Variants in TNN observed in about 807,000 individuals in gnomAD.
TNN encodes the protein tenascin N, also known as tenascin-N.
In TNN, 122 loss-of-function variants were observed where a neutral mutation model predicts 134.4. The ratio of observed to expected loss-of-function variants is 0.91; its 90% confidence interval spans 0.78 to 1.06. The LOEUF is 1.06. Among genes scored for constraint, TNN ranks in the 50% least tolerant of loss-of-function variants. TNN has a pLI of 0.00. For missense variants in TNN, 1,739 were observed against 1,699.4 expected (o/e 1.02, Z -0.41); for synonymous variants, 710 against 670.3 (o/e 1.06, Z -0.91).
chr1:175,073,328 T>C (rs1325456468), intron 1 of TNN, among the ~76,000 whole-genome samples: 2 of 152,172 alleles, frequency 1.3e-5, no homozygotes, highest in African/African-American at 4.8e-5. Context: ...TTTATCTTTG[T>C]GATGAACGTC....
chr1:175,085,386 G>A lies in TNN; in HGVS notation c.1235-19G>A, dbSNP rs758781927. The A allele has an allele frequency of 4.5e-5, 69 of 1,550,322 alleles. No individual in the cohort carries two copies. The highest frequency in any genetic ancestry group is 5.7e-5 in the Non-Finnish European group (64 of 1,123,848). Reference sequence around the variant, plus strand: ...TCTGGAGCCTGCACTCACATCCTGCGCTGCCTGCTTGTTTCCAGGTCTGCA... The same window carrying A: ...TCTGGAGCCTGCACTCACATCCTGCACTGCCTGCTTGTTTCCAGGTCTGCA... On this transcript the variant is annotated intron_variant, in intron 5 of 18. Transcript: ENST00000239462.
intron 9 of TNN, among the ~76,000 whole-genome samples, chr1:175,116,081 T>C (rs1675158538): frequency 6.6e-6 from 1 of 152,216 alleles, no homozygotes; most frequent in Admixed American, 6.5e-5. Flanking sequence ...ATTCTTTTAG[T>C]TGTTTTTGTG....
chr1:175,125,915 C>T lies in TNN; in HGVS notation c.2915-1040C>T, dbSNP rs185501591. Among the ~76,000 whole-genome samples, 154 of 145,624 alleles carry T rather than the reference C, an allele frequency of 1.1e-3. 1 individual carries two copies. Among genetic ancestry groups the T allele is most frequent in the African/African-American group, 3.8e-3 (149 of 39,354 alleles). On this transcript the variant is annotated intron_variant, in intron 12 of 18. Transcript: ENST00000239462. ...TTTCTTTCTCTCTCCCGCTCTCTCT[C>T]TCTTCTCTTTCTTTCTTTCTCTCGC...
At chr1:175,076,094 A>G (rs943341811) in intron 1 of TNN, among the ~76,000 whole-genome samples, 6 of 152,140 alleles carry the variant, frequency 3.9e-5, no homozygotes, top group African/African-American at 9.7e-5. Context: ...GTGAGGTGAA[A>G]GCTGGGTCTC....
chr1:175,126,853 A>T, intron 12 of TNN, 102 bp from the exon 13 acceptor site: 1 of 1,311,944 alleles, frequency 7.6e-7, no homozygotes, highest in Admixed American at 2.5e-5. Context: ...AGGAGGAGAA[A>T]TGGGAGGGTT....
intron 11 of TNN, 125 bp from the exon 12 acceptor site, chr1:175,123,275 G>T: frequency 8.6e-7 from 1 of 1,163,004 alleles, no homozygotes; most frequent in South Asian, 1.5e-5. Flanking sequence ...CCTTTGACTC[G>T]TGTTTTAAGT....
At chr1:175,083,337 G>T (rs1027442442) in intron 4 of TNN, among the ~76,000 whole-genome samples, 1 of 152,230 alleles carries the variant, frequency 6.6e-6, no homozygotes, top group Non-Finnish European at 1.5e-5. Flanking sequence ...TGCCTGAGCT[G>T]CTTATCCTGA....
Position 175,077,688 on chromosome 1 carries a change from C to A in TNN, c.270C>A (p.Ile90=). 6.2e-7 allele frequency: 1 copy of A among 1,614,252 alleles called. No homozygotes were observed. The highest frequency in any genetic ancestry group is 8.5e-7 in the Non-Finnish European group (1 of 1,180,046). The change falls in exon 2 of 19, where the codon ATC becomes ATA. Residue 90 remains isoleucine, a synonymous_variant. Coordinates refer to ENST00000239462, the MANE Select transcript of TNN (RefSeq NM_022093.2). ...AGAACATCATCTTCAGGCACAACAT[C>A]CGCCTTCAGACGCCACAGAAGGACT... ...EEQNIIFRHN[I]RLQTPQKDCE...
chr1:175,139,737 TA>T (rs1675901889), intron 17 of TNN, among the ~76,000 whole-genome samples: 1 of 152,266 alleles, frequency 6.6e-6, no homozygotes, highest in African/African-American at 2.4e-5. Context: ...TATGTAATTG[TA>T]TGTGCAAGAC....
At chr1:175,103,580 A>G (rs1231874065) in intron 9 of TNN, among the ~76,000 whole-genome samples, 1 of 143,632 alleles carries the variant, frequency 7.0e-6, no homozygotes, top group African/African-American at 2.6e-5. Context: ...TTTTTTCTTT[A>G]CTACTTCTAT....
At position 175,117,108 on chromosome 1, in the gene TNN, C is replaced by A; in HGVS notation, c.2289C>A (p.Val763=). Residue 763 remains valine (V), a synonymous_variant, in exon 10 of 19, where the codon GTC becomes GTA. Transcript: ENST00000239462. Reference sequence around the variant, plus strand: ...TGGGGAAGGAGCAGAGTAGCACTGTCCTGACGGGCCTGAGGCCGGGTGTGG... The same window carrying A: ...TGGGGAAGGAGCAGAGTAGCACTGTACTGACGGGCCTGAGGCCGGGTGTGG... ...VPVGKEQSST[V]LTGLRPGVEY... 1 of 1,614,236 alleles carries A rather than the reference C, an allele frequency of 6.2e-7. No individual in the cohort carries two copies. Among genetic ancestry groups the A allele is most frequent in the South Asian group, 1.1e-5 (1 of 91,086 alleles).
Position 175,087,104 on chromosome 1 carries a change from A to C in TNN, c.1324+1610A>C, listed in dbSNP as rs548670258. On this transcript the variant is annotated intron_variant, in intron 6 of 18. Coordinates refer to ENST00000239462, the MANE Select transcript of TNN (RefSeq NM_022093.2). Reference sequence around the variant, plus strand: ...CCTTTGGGCTTAGCTACTGCAAACCAAAAAGTATCTGAGATAGGCCTTAAT... The same window carrying C: ...CCTTTGGGCTTAGCTACTGCAAACCCAAAAGTATCTGAGATAGGCCTTAAT... 2.6e-5 allele frequency among the ~76,000 whole-genome samples: 4 copies of C among 152,356 alleles called. No individual in the cohort carries two copies. In the South Asian group the frequency reaches 8.3e-4, roughly 32 times the overall value.
chr1:175,117,042 CTA>C lies in TNN; in HGVS notation c.2224_2225del (p.Tyr742HisfsTer19), dbSNP rs775418311. The stretch of plus-strand genomic sequence containing the variant: ...CCACCATTGACAGGTATGTGGTGCG[CTA>C]CACCTCTGCCAAGGACGGAGAGACC... ...RATIDRYVVR[Y>X]TSAKDGETRE... On this transcript the variant is annotated frameshift_variant, in exon 10 of 19. Transcript: ENST00000239462. LOFTEE classifies it high-confidence loss of function. 1.9e-6 allele frequency: 3 copies of C among 1,614,132 alleles called. No individual in the cohort carries two copies. The highest frequency in any genetic ancestry group is 2.7e-5 in the African/African-American group (2 of 74,948).
At chr1:175,137,067 C>G in intron 17 of TNN, 79 bp downstream of exon 17, 1 of 1,432,690 alleles carries the variant, frequency 7.0e-7, no homozygotes, top group Non-Finnish European at 9.7e-7. Context: ...TGCCACTGAT[C>G]TGGGGGATGG....
In TNN at chr1:175,135,940, T is replaced by C; in HGVS notation, c.3426T>C (p.Leu1142=). Residue 1142 remains leucine, a splice_region_variant and synonymous_variant, in exon 16 of 19, where the codon CTT becomes CTC. Transcript: ENST00000239462. ...GGGACCCCATGAAGGAGTTCTGGCT[T>C]GGTATGATCTCAGAATCCAGGAGGC... The part of the protein sequence containing the change: ...GFGDPMKEFW[L]GLDKLHNLTT... The C allele has an allele frequency of 6.2e-7, 1 of 1,607,414 alleles. No homozygotes were observed. Among genetic ancestry groups the C allele is most frequent in the Non-Finnish European group, 8.5e-7 (1 of 1,174,392 alleles).
At chr1:175,140,956 T>C (rs951377077) in intron 17 of TNN, among the ~76,000 whole-genome samples, 2 of 152,184 alleles carry the variant, frequency 1.3e-5, no homozygotes, top group African/African-American at 2.4e-5. Context: ...AATATTTTGA[T>C]ACCTCCCTGC....
intron 1 of TNN, among the ~76,000 whole-genome samples, chr1:175,071,493 T>C (rs1673912563): frequency 6.6e-6 from 1 of 152,236 alleles, no homozygotes; most frequent in Admixed American, 6.5e-5. Flanking sequence ...ACTTAACCTC[T>C]ATGTGAGGGA....
chr1:175,146,734 T>C (rs960979950), intron 18 of TNN, among the ~76,000 whole-genome samples, 197 bp from the exon 19 acceptor site: 3 of 151,990 alleles, frequency 2.0e-5, no homozygotes, highest in Non-Finnish European at 2.9e-5. Context: ...TAACCCCAGC[T>C]GCCCAGCAGA....
intron 2 of TNN, 37 bp from the exon 3 acceptor site, chr1:175,079,296 C>G (rs1674130698): frequency 1.3e-6 from 2 of 1,550,076 alleles, no homozygotes; most frequent in South Asian, 2.4e-5. Flanking sequence ...ACGCACAACC[C>G]TTCAACCCAA....
Sources: gnomAD v4.1 joint callset for allele counts (sites outside exome capture counted in the v4.1 genomes callset) on GRCh38, gnomAD v4.1.1 for gene constraint, MANE v1.5 for transcripts, NCBI Gene and HGNC (gene_info 2026-07-23, HGNC 2026-07-21) for gene names.